Variants in DROSHA observed in about 807,000 individuals in gnomAD.
DROSHA encodes the protein ribonuclease 3.
A neutral mutation model predicts 181.9 loss-of-function variants in DROSHA; 56 were observed. That is an observed-to-expected ratio of 0.31 (90% CI 0.25 to 0.38). The LOEUF is 0.38. DROSHA is among the 10% of genes least tolerant of loss of function. DROSHA has a pLI of 1.00. For missense variants in DROSHA, 1,218 were observed against 1,743.5 expected, an observed-to-expected ratio of 0.70 and a Z score of 5.37; for synonymous variants, 524 against 591.2, an observed-to-expected ratio of 0.89 and a Z score of 1.65.
intron 15 of DROSHA, 86 bp from the exon 16 acceptor site, chr5:31,483,714 G>A: frequency 7.6e-7 from 1 of 1,323,492 alleles, no homozygotes; most frequent in Non-Finnish European, 1.0e-6. Flanking sequence ...TAAGATTTAT[G>A]ATAACCACAA....
intron 16 of DROSHA, among the ~76,000 whole-genome samples, chr5:31,479,220 C>T (rs959348526): frequency 3.9e-5 from 6 of 152,082 alleles, no homozygotes; most frequent in South Asian, 2.1e-4. Flanking sequence ...TAAAACAATA[C>T]AAATCAAGCC....
intron 20 of DROSHA, among the ~76,000 whole-genome samples, chr5:31,456,463 T>TACACACACAC (rs35756228): frequency 4.6e-4 from 68 of 146,634 alleles, no homozygotes; most frequent in Middle Eastern, 3.5e-3. Context: ...GACAACAAGA[T>TACACACACAC]ACACACACAC....
chr5:31,461,870 C>T (rs1748446115), intron 20 of DROSHA, among the ~76,000 whole-genome samples: 1 of 151,498 alleles, frequency 6.6e-6, no homozygotes, highest in Non-Finnish European at 1.5e-5. Context: ...TGAAGGTTAA[C>T]AATTTACTTT....
intron 16 of DROSHA, among the ~76,000 whole-genome samples, chr5:31,473,655 G>A (rs1750013842): frequency 6.6e-6 from 1 of 152,170 alleles, no homozygotes; most frequent in Non-Finnish European, 1.5e-5. Context: ...AATCAAACAG[G>A]ACAAGGAACT....
intron 6 of DROSHA, 95 bp from the exon 7 acceptor site, chr5:31,515,659 C>A: frequency 1.4e-6 from 2 of 1,477,696 alleles, no homozygotes; most frequent in South Asian, 1.3e-5. Flanking sequence ...CCACATCTGT[C>A]TTTGCCAGGA....
At chr5:31,506,109 C>T (rs978191569) in intron 10 of DROSHA, among the ~76,000 whole-genome samples, 3 of 152,192 alleles carry the variant, frequency 2.0e-5, no homozygotes, top group Non-Finnish European at 4.4e-5. Context: ...GCCTGTAATC[C>T]CAGCACTTTG....
At chr5:31,525,294 C>A (rs1488622243) in intron 5 of DROSHA, among the ~76,000 whole-genome samples, 1 of 134,798 alleles carries the variant, frequency 7.4e-6, no homozygotes, top group East Asian at 2.2e-4. Context: ...TGCGCCACTG[C>A]ACTCCAGCCT....
intron 26 of DROSHA, 88 bp from the exon 27 acceptor site, chr5:31,429,633 G>A: frequency 9.8e-7 from 1 of 1,025,232 alleles, no homozygotes; most frequent in Admixed American, 2.5e-5. Flanking sequence ...AAAAACGCAA[G>A]CCAAAAACTA....
At chr5:31,501,295 T>A (rs1753544957) in intron 11 of DROSHA, among the ~76,000 whole-genome samples, 1 of 152,116 alleles carries the variant, frequency 6.6e-6, no homozygotes, top group Non-Finnish European at 1.5e-5. Context: ...AAGGTCTGAC[T>A]TACAGTGGGT....
Position 31,451,558 on chromosome 5 carries a change from G to C in DROSHA, c.2657C>G (p.Thr886Ser), listed in dbSNP as rs1277920308. 1 of 1,611,938 alleles carries C rather than the reference G, an allele frequency of 6.2e-7. No individual in the cohort carries two copies. Among genetic ancestry groups the C allele is most frequent in the Non-Finnish European group, 8.5e-7 (1 of 1,179,040 alleles). ...CTGCAACAGACAACGATCTTGGAAA[G>C]TATATCCTATCAACTTGTCCAAATG... Reference protein sequence around the residue: ...LMHLDKLIGYTFQDRCLLQLA... With the variant: ...LMHLDKLIGYSFQDRCLLQLA... Residue 886 changes from threonine (T) to serine (S), a missense_variant, in exon 21 of 36, where the codon ACT (threonine) becomes AGT (serine). Thr to Ser is a moderately conservative substitution (Grantham distance 58). Coordinates refer to ENST00000344624, the MANE Select transcript of DROSHA (RefSeq NM_001382508.1).
intron 30 of DROSHA, among the ~76,000 whole-genome samples, chr5:31,419,413 A>C (rs752487629): frequency 3.9e-4 from 59 of 152,206 alleles, no homozygotes; most frequent in Non-Finnish European, 7.8e-4. Flanking sequence ...TGTTAAATAC[A>C]TTTTGGATAA....
chr5:31,414,959 A>G (rs2149991037), intron 30 of DROSHA, among the ~76,000 whole-genome samples: 1 of 152,356 alleles, frequency 6.6e-6, no homozygotes, highest in South Asian at 2.1e-4. Flanking sequence ...AAACCTGAGG[A>G]AAGGACTGCT....
intron 3 of DROSHA, 87 bp from the exon 4 acceptor site, chr5:31,529,192 A>G (rs6859527): frequency 0.98 from 1,148,321 of 1,172,966 alleles, 563,177 homozygotes; most frequent in African/African-American, 1. Flanking sequence ...CCATAACACT[A>G]ATTTTGTAGT....
intron 33 of DROSHA, among the ~76,000 whole-genome samples, chr5:31,407,516 G>A (rs1175310766): frequency 3.3e-5 from 5 of 152,090 alleles, no homozygotes; most frequent in African/African-American, 7.2e-5. Context: ...AAAAAACAAA[G>A]CTCCAGGTAC....
At chr5:31,501,888 T>G (rs538750525) in intron 11 of DROSHA, among the ~76,000 whole-genome samples, 22 of 152,270 alleles carry the variant, frequency 1.4e-4, no homozygotes, top group African/African-American at 5.1e-4. Flanking sequence ...CCATTACACC[T>G]CTGACATTAC....
At chr5:31,421,643 G>T in intron 29 of DROSHA, 3 of 360,846 alleles carry the variant, frequency 8.3e-6, no homozygotes. Context: ...TGCCTGGTCA[G>T]AAGCTGAAGA....
chr5:31,472,850 C>A (rs1325848753), intron 16 of DROSHA, among the ~76,000 whole-genome samples: 1 of 152,122 alleles, frequency 6.6e-6, no homozygotes, highest in East Asian at 1.9e-4. Flanking sequence ...CCTACAGAAG[C>A]ATATAGCACC....
In DROSHA at chr5:31,470,461, A is replaced by ACCC. The variant is rs72509621; in HGVS notation, c.2241+1599_2241+1601dup. Among the ~76,000 whole-genome samples the ACCC allele has an allele frequency of 2.7e-3, 411 of 152,030 alleles. 1 individual carries two copies. The highest frequency in any genetic ancestry group is 8.9e-3 in the African/African-American group (370 of 41,452). ...TGCAAAAATAGTTGCGGTATGGCAG[A>ACCC]CCCCCGCAACTACTTTTGTGCCAGC... On this transcript the variant is annotated intron_variant, in intron 17 of 35. Coordinates refer to ENST00000344624, the MANE Select transcript of DROSHA (RefSeq NM_001382508.1). The surrounding 1 kb of genome is among the most constrained non-coding windows in gnomAD (Gnocchi z 4.0).
At chr5:31,455,986 T>C (rs531784266) in intron 20 of DROSHA, among the ~76,000 whole-genome samples, 27 of 152,178 alleles carry the variant, frequency 1.8e-4, no homozygotes, top group African/African-American at 6.0e-4. Flanking sequence ...CAGAAAACAA[T>C]GAGAATGTAT....
Sources: gnomAD v4.1 joint callset for allele counts (sites outside exome capture counted in the v4.1 genomes callset) on GRCh38, gnomAD v4.1.1 for gene constraint, Gnocchi (gnomAD v3.1) non-coding constraint, MANE v1.5 for transcripts, NCBI Gene and HGNC (gene_info 2026-07-23, HGNC 2026-07-21) for gene names.